Variants in ZNF346 observed in about 807,000 individuals in gnomAD.
The protein encoded by ZNF346 is zinc finger protein 346.
In ZNF346, 23 loss-of-function variants were observed where a neutral mutation model predicts 33.7. The observed-to-expected ratio is 0.68, with a 90% confidence interval of 0.49 to 0.97. The LOEUF (loss-of-function observed/expected upper bound fraction) is 0.97, where lower values mean the gene tolerates loss of function less well. Among genes scored for constraint, ZNF346 ranks in the 50% least tolerant of loss-of-function variants. The pLI is 0.00. For missense variants in ZNF346, 340 were observed against 371.1 expected (o/e 0.92, Z 0.69); for synonymous variants, 134 against 142.4 (o/e 0.94, Z 0.42).
chr5:177,061,946 C>T, intron 5 of ZNF346, 112 bp from the exon 6 acceptor site: 1 of 869,918 alleles, frequency 1.1e-6, no homozygotes, highest in East Asian at 2.5e-5. Context: ...CCAGCAACCT[C>T]ACCTCGCCTC....
exon 9 of ZNF346, chr5:177,080,350 T>A (rs1421194921): frequency 6.6e-6 from 1 of 152,274 alleles, no homozygotes; most frequent in Non-Finnish European, 1.5e-5. Context: ...TCATATTGGC[T>A]ACTCTTCAGT....
intron 1 of ZNF346, among the ~76,000 whole-genome samples, chr5:177,030,382 GC>G (rs1379334783): frequency 6.6e-6 from 1 of 151,872 alleles, no homozygotes. Context: ...GCACTGGGAG[GC>G]CGAGGCGGGT....
At chr5:177,073,822 C>T (rs928762879) in intron 8 of ZNF346, among the ~76,000 whole-genome samples, 32 of 13,684 alleles carry the variant, frequency 2.3e-3, no homozygotes, top group Admixed American at 5.8e-3. Flanking sequence ...ATCGGGCGGG[C>T]GGGGGAGGGG....
chr5:177,038,157 C>T (rs1778782551), intron 1 of ZNF346, among the ~76,000 whole-genome samples: 1 of 151,120 alleles, frequency 6.6e-6, no homozygotes, highest in Non-Finnish European at 1.5e-5. Context: ...GGCACATTCA[C>T]GGCTCACTGA....
intron 1 of ZNF346, 82 bp downstream of exon 1, chr5:177,022,995 C>CCCCCT: frequency 6.9e-7 from 1 of 1,445,684 alleles, no homozygotes; most frequent in Admixed American, 2.5e-5. Flanking sequence ...GACGGTCACA[C>CCCCCT]CCCCTGGCCC....
At chr5:177,053,757 G>T (rs1432630852) in intron 5 of ZNF346, among the ~76,000 whole-genome samples, 2 of 152,064 alleles carry the variant, frequency 1.3e-5, no homozygotes, top group Admixed American at 1.3e-4. Context: ...ATTTCAAAAT[G>T]TATGTATATT....
chr5:177,079,448 C>G (rs1353740237), exon 9 of ZNF346: 1 of 152,110 alleles, frequency 6.6e-6, no homozygotes, highest in African/African-American at 2.4e-5. Flanking sequence ...GGAAACTCAA[C>G]TCTCTGGAAC....
At chr5:177,036,234 C>T (rs2149609692) in intron 1 of ZNF346, among the ~76,000 whole-genome samples, 1 of 152,288 alleles carries the variant, frequency 6.6e-6, no homozygotes, top group East Asian at 1.9e-4. Flanking sequence ...GGTCTTGATG[C>T]ATGAAATAGT....
intron 1 of ZNF346, among the ~76,000 whole-genome samples, chr5:177,036,947 G>A (rs1050200888): frequency 6.6e-6 from 1 of 151,158 alleles, no homozygotes; most frequent in Non-Finnish European, 1.5e-5. Context: ...TTGTTTGTTT[G>A]TTTGTTTTTC....
At chr5:177,037,554 T>TC (rs1223656272) in intron 1 of ZNF346, among the ~76,000 whole-genome samples, 1 of 152,226 alleles carries the variant, frequency 6.6e-6, no homozygotes, top group African/African-American at 2.4e-5. Context: ...TTGACTCCTT[T>TC]CCTTCCTTCA....
intron 1 of ZNF346, among the ~76,000 whole-genome samples, chr5:177,036,633 A>C (rs1293781768): frequency 6.6e-6 from 1 of 152,100 alleles, no homozygotes; most frequent in African/African-American, 2.4e-5. Flanking sequence ...CCAGGAACAC[A>C]CTTGCCCCAA....
intron 5 of ZNF346, among the ~76,000 whole-genome samples, chr5:177,060,700 T>C (rs1475550616): frequency 6.6e-6 from 1 of 151,980 alleles, no homozygotes; most frequent in Non-Finnish European, 1.5e-5. Flanking sequence ...CCCAGCTACT[T>C]GGGAGGCTGA....
At chr5:177,026,790 C>T (rs1475697266) in intron 1 of ZNF346, among the ~76,000 whole-genome samples, 1 of 152,192 alleles carries the variant, frequency 6.6e-6, no homozygotes, top group Admixed American at 6.5e-5. Context: ...GAGTGGGACT[C>T]ATACAAAGTT....
At chr5:177,039,635 G>T in intron 1 of ZNF346, among the ~76,000 whole-genome samples, 1 of 152,002 alleles carries the variant, frequency 6.6e-6, no homozygotes, top group East Asian at 1.9e-4. Context: ...CTAGTTTTTG[G>T]TTTGTTGGTG....
intron 5 of ZNF346, among the ~76,000 whole-genome samples, chr5:177,053,580 A>G (rs1562014102): frequency 6.6e-6 from 1 of 152,176 alleles, no homozygotes; most frequent in African/African-American, 2.4e-5. Flanking sequence ...GATAATTTTA[A>G]AAGACCTGGA....
At chr5:177,062,187 G>A in intron 6 of ZNF346, 36 bp downstream of exon 6, 2 of 1,571,914 alleles carry the variant, frequency 1.3e-6, no homozygotes, top group Non-Finnish European at 1.8e-6. Context: ...AGGATCCATA[G>A]CAGGAGCTCA....
At chr5:177,023,003 C>G in intron 1 of ZNF346, 90 bp downstream of exon 1, 1 of 1,445,252 alleles carries the variant, frequency 6.9e-7, no homozygotes, top group Non-Finnish European at 9.1e-7. Flanking sequence ...CACCCCCTGG[C>G]CCGCCTCCTT....
intron 5 of ZNF346, among the ~76,000 whole-genome samples, chr5:177,061,824 G>A (rs1782586178): frequency 6.6e-6 from 1 of 152,168 alleles, no homozygotes; most frequent in African/African-American, 2.4e-5. Flanking sequence ...TCTGGGCCAG[G>A]CTCTACGCTG....
chr5:177,037,946 C>T lies in ZNF346; in HGVS notation c.176-3180C>T, dbSNP rs1778744888. 2.0e-5 allele frequency among the ~76,000 whole-genome samples: 3 copies of T among 152,182 alleles called. No homozygotes were observed. In the South Asian group the frequency reaches 6.2e-4, roughly 32 times the overall value. ...CATTCTTCTCTCATTCACCATATTC[C>T]AGGCATAGTGGGCTTCTCTCCATTC... On this transcript the variant is annotated intron_variant, in intron 1 of 6. Transcript: ENST00000358149.
Sources: allele counts gnomAD v4.1 joint callset (sites outside exome capture counted in the v4.1 genomes callset), GRCh38; gene constraint gnomAD v4.1.1; transcripts MANE v1.5; gene names NCBI Gene and HGNC (gene_info 2026-07-23, HGNC 2026-07-21).